The following HS3ST4 variants were observed in gnomAD, a reference collection of about 807,000 sequenced individuals.
HS3ST4 encodes the protein heparan sulfate-glucosamine 3-sulfotransferase 4.
A neutral mutation model predicts 29.2 loss-of-function variants in HS3ST4; 17 were observed. That is an observed-to-expected ratio of 0.58 (90% CI 0.40 to 0.87). HS3ST4 has a LOEUF of 0.87. HS3ST4 is among the 40% of genes least tolerant of loss of function. The pLI is 0.00. For synonymous variants in HS3ST4, 314 were observed against 285.7 expected (o/e 1.10, Z -1.00); for missense variants, 627 against 634.5 (o/e 0.99, Z 0.13).
At chr16:25,811,424 T>C (rs1177076975) in intron 1 of HS3ST4, among the ~76,000 whole-genome samples, 3 of 70,662 alleles carry the variant, frequency 4.2e-5, no homozygotes, top group African/African-American at 5.7e-5. Flanking sequence ...TTCTTCTTCT[T>C]TTTTTTTTTT....
At chr16:25,824,059 T>A (rs1967191174) in intron 1 of HS3ST4, among the ~76,000 whole-genome samples, 1 of 152,144 alleles carries the variant, frequency 6.6e-6, no homozygotes, top group Non-Finnish European at 1.5e-5. Flanking sequence ...GAGTCATTCG[T>A]CTTGGCAGCC....
chr16:26,099,149 A>G (rs1022687720), intron 1 of HS3ST4, among the ~76,000 whole-genome samples: 1 of 152,158 alleles, frequency 6.6e-6, no homozygotes, highest in Non-Finnish European at 1.5e-5. Flanking sequence ...AACATCTGGT[A>G]TATGTCAGAG....
chr16:26,131,404 C>T (rs1158667514), intron 1 of HS3ST4, among the ~76,000 whole-genome samples: 1 of 152,218 alleles, frequency 6.6e-6, no homozygotes, highest in Non-Finnish European at 1.5e-5. Flanking sequence ...ATAGTCTATT[C>T]CCTGTCTGTC....
intron 1 of HS3ST4, among the ~76,000 whole-genome samples, chr16:26,079,207 A>G (rs1315445174): frequency 6.6e-6 from 1 of 152,236 alleles, no homozygotes; most frequent in Non-Finnish European, 1.5e-5. Flanking sequence ...ATAATAAACG[A>G]GCTGCCTCTG....
rs1596611266 is a variant in HS3ST4 at position 25,910,660 on chromosome 16, G to T, written c.734+217509G>T. On this transcript the variant is annotated intron_variant, in intron 1 of 1. Coordinates refer to ENST00000331351, the MANE Select transcript of HS3ST4 (RefSeq NM_006040.3). ...GAGACTCTGTCTCAAAAAAAAAAAA[G>T]TTAAACAAAAAAAACAAGTTTATGC... Among the ~76,000 whole-genome samples, 7 of 151,514 alleles carry T rather than the reference G, an allele frequency of 4.6e-5. No homozygotes were observed. In the South Asian group the frequency reaches 1.5e-3, roughly 32 times the overall value.
intron 1 of HS3ST4, among the ~76,000 whole-genome samples, chr16:26,005,851 G>T (rs1422032359): frequency 6.6e-6 from 1 of 152,120 alleles, no homozygotes; most frequent in African/African-American, 2.4e-5. Context: ...CATTGTGGGG[G>T]CTGTCCTGTC....
chr16:26,114,235 C>T (rs1324874554), intron 1 of HS3ST4, among the ~76,000 whole-genome samples: 1 of 152,156 alleles, frequency 6.6e-6, no homozygotes, highest in Non-Finnish European at 1.5e-5. Flanking sequence ...ATCCACAGGG[C>T]ATAGCTAATA....
rs868143256 is a variant in HS3ST4, at chr16:25,795,262, C to T, written c.734+102111C>T. 1.6e-4 allele frequency among the ~76,000 whole-genome samples: 25 copies of T among 152,190 alleles called. No individual in the cohort carries two copies. The Middle Eastern group carries it at 0.01, about 62-fold the overall frequency. On this transcript the variant is annotated intron_variant, in intron 1 of 1. Transcript: ENST00000331351. ...CTGGGATTACAGGCGTGAGCCACCG[C>T]ACCTGGCCCCCCATCCCGCCTTTTC...
chr16:25,902,978 G>T (rs1001223498), intron 1 of HS3ST4, among the ~76,000 whole-genome samples: 3 of 149,126 alleles, frequency 2.0e-5, no homozygotes, highest in Admixed American at 2.0e-4. Context: ...ATGAGATTGT[G>T]TCACTGCACT....
chr16:26,056,040 C>CAG lies in HS3ST4; in HGVS notation c.735-79534_735-79533dup, dbSNP rs55688033. On this transcript the variant is annotated intron_variant, in intron 1 of 1. Coordinates refer to ENST00000331351, the MANE Select transcript of HS3ST4 (RefSeq NM_006040.3). ...CTAATTTGCATGAGAAAGAGAGAGA[C>CAG]AGAGAGAGAGAGAGAGAGAGAGAGA... Among the ~76,000 whole-genome samples, 302 of 147,952 alleles carry CAG rather than the reference C, an allele frequency of 2.0e-3. 1 individual carries two copies. Among genetic ancestry groups the CAG allele is most frequent in the East Asian group, 0.018 (86 of 4,912 alleles).
At chr16:25,788,490 TATC>T (rs1009124503) in intron 1 of HS3ST4, among the ~76,000 whole-genome samples, 1 of 151,778 alleles carries the variant, frequency 6.6e-6, no homozygotes, top group Non-Finnish European at 1.5e-5. Context: ...TTCTCCCTGT[TATC>T]ATTATCTTCT....
chr16:25,864,782 A>T lies in HS3ST4; in HGVS notation c.734+171631A>T, dbSNP rs149467824. 1.1e-3 allele frequency among the ~76,000 whole-genome samples: 161 copies of T among 151,946 alleles called. 2 individuals are homozygous for T. In the East Asian group the frequency reaches 0.029, roughly 27 times the overall value. On this transcript the variant is annotated intron_variant, in intron 1 of 1. Coordinates refer to ENST00000331351, the MANE Select transcript of HS3ST4 (RefSeq NM_006040.3). The stretch of plus-strand genomic sequence containing the variant: ...ATATATATATTTATTGTGTGTGTGT[A>T]TACATATATTTGTTGTATACATATT...
chr16:25,757,215 A>G lies in HS3ST4; in HGVS notation c.734+64064A>G, dbSNP rs550754029. On this transcript the variant is annotated intron_variant, in intron 1 of 1. Coordinates refer to ENST00000331351, the MANE Select transcript of HS3ST4 (RefSeq NM_006040.3). ...TAACTGTACTTGGCAACCTTATTAG[A>G]CTAGATCCCAGTACCACATTATTTT... Among the ~76,000 whole-genome samples the G allele has an allele frequency of 2.0e-5, 3 of 152,258 alleles. No individual in the cohort carries two copies. The South Asian group carries it at 6.2e-4, about 32-fold the overall frequency.
intron 1 of HS3ST4, among the ~76,000 whole-genome samples, chr16:25,860,268 A>T (rs1967623197): frequency 6.6e-6 from 1 of 152,214 alleles, no homozygotes; most frequent in South Asian, 2.1e-4. Flanking sequence ...GGGAATGCAA[A>T]TAGTACAGCC....
intron 1 of HS3ST4, among the ~76,000 whole-genome samples, chr16:26,025,991 G>C (rs2141750252): frequency 6.6e-6 from 1 of 151,924 alleles, no homozygotes; most frequent in East Asian, 1.9e-4. Context: ...GGCCAGGCTG[G>C]TCTCGATCTC....
At position 25,994,340 on chromosome 16, in the gene HS3ST4, C is replaced by A. The variant is rs889790252; in HGVS notation, c.735-141272C>A. 1.4e-3 allele frequency among the ~76,000 whole-genome samples: 219 copies of A among 151,866 alleles called. 5 individuals are homozygous for A. The highest frequency in any genetic ancestry group is 3.4e-3 in the Middle Eastern group (1 of 294). The stretch of plus-strand genomic sequence containing the variant: ...TATAGTCTTGTTTGGTATTTTTAAT[C>A]CTTTAGATTTATTTTTTCTATCTGA... On this transcript the variant is annotated intron_variant, in intron 1 of 1. Coordinates refer to ENST00000331351, the MANE Select transcript of HS3ST4 (RefSeq NM_006040.3).
chr16:25,879,960 G>A (rs1161951713), intron 1 of HS3ST4, among the ~76,000 whole-genome samples: 3 of 151,954 alleles, frequency 2.0e-5, no homozygotes, highest in African/African-American at 4.8e-5. Context: ...TCACTACCAC[G>A]AGAACAGTAT....
intron 1 of HS3ST4, among the ~76,000 whole-genome samples, chr16:25,696,795 G>C (rs1966301275): frequency 6.6e-6 from 1 of 152,248 alleles, no homozygotes; most frequent in Admixed American, 6.5e-5. Context: ...TGTGGCAACT[G>C]GGGAGAGAAT....
At chr16:25,908,247 A>T (rs568968892) in intron 1 of HS3ST4, among the ~76,000 whole-genome samples, 1 of 152,348 alleles carries the variant, frequency 6.6e-6, no homozygotes, top group East Asian at 1.9e-4. Flanking sequence ...ATGAGCAGGG[A>T]GGGATCAAAA....
Sources: gnomAD v4.1 joint callset for allele counts (sites outside exome capture counted in the v4.1 genomes callset) on GRCh38, gnomAD v4.1.1 for gene constraint, MANE v1.5 for transcripts, NCBI Gene and HGNC (gene_info 2026-07-23, HGNC 2026-07-21) for gene names.